GATC: variants seen among roughly 807,000 people sequenced by gnomAD.
The protein encoded by GATC is glutamyl-tRNA amidotransferase subunit C, also known as glutamyl-tRNA(Gln) amidotransferase subunit C, mitochondrial.
GATC carries 11 observed loss-of-function variants against 14.4 expected under a neutral mutation model. That is an observed-to-expected ratio of 0.77 (90% confidence interval 0.48 to 1.27). The LOEUF is 1.27. Ranked by LOEUF, GATC falls within the 50% of genes most tolerant of loss-of-function variation. GATC has a pLI of 0.00. For synonymous variants in GATC, 76 were observed against 79.3 expected (o/e 0.96, Z 0.22); for missense variants, 204 against 183.0 (o/e 1.11, Z -0.66).
rs961064926 is a variant in GATC, at chr12:120,460,841, TAA to T, written c.*886_*887del. 2.0e-5 allele frequency: 3 copies of T among 151,916 alleles called. No individual in the cohort carries two copies. Among genetic ancestry groups the T allele is most frequent in the African/African-American group, 4.8e-5 (2 of 41,340 alleles). The allele number at this position is 151,916 out of a possible 1,614,324, so 9.4% of individuals were successfully genotyped here. On this transcript the variant is annotated 3_prime_UTR_variant, in exon 4 of 4. Coordinates refer to ENST00000551765, the MANE Select transcript of GATC (RefSeq NM_176818.3). ...TAATGCGGTGAAACCTCATCTCTACTAAAAATACAAAAAATTAGCTGGGTGTG... is the reference window on the plus strand; with the variant it reads ...TAATGCGGTGAAACCTCATCTCTACTAAATACAAAAAATTAGCTGGGTGTG...
chr12:120,448,642 CT>C lies in GATC; in HGVS notation c.254+1834del, dbSNP rs71451885. 6.4e-4 allele frequency among the ~76,000 whole-genome samples: 56 copies of C among 87,462 alleles called. 1 individual carries two copies. Among genetic ancestry groups the C allele is most frequent in the East Asian group, 4.3e-3 (12 of 2,814 alleles). The allele number at this position is 87,462 out of a possible 152,430, so 57.4% of individuals were successfully genotyped here. A position where few individuals can be genotyped will look rare whatever the true frequency, so the allele number is the denominator to read the frequency against. ...CTGCACTGGCCAAAAAAGTCCATTC[CT>C]TTTTTTTTTTTTTTTTTTTTGAGAC... On this transcript the variant is annotated intron_variant, in intron 2 of 3. Transcript: ENST00000551765.
rs554874771 is a variant in GATC at position 120,455,907 on chromosome 12, C to T, written c.255-1169C>T. On this transcript the variant is annotated intron_variant, in intron 2 of 3. Coordinates refer to ENST00000551765, the MANE Select transcript of GATC (RefSeq NM_176818.3). The stretch of plus-strand genomic sequence containing the variant: ...TTCACCGTGTTAGCCAGGATGGTCT[C>T]GATCTCCTGACCTCGTGATCCGCCC... Among the ~76,000 whole-genome samples, 18 of 152,024 alleles carry T rather than the reference C, an allele frequency of 1.2e-4. No individual in the cohort carries two copies. In the East Asian group the frequency reaches 2.9e-3, roughly 25 times the overall value.
rs528770912 is a variant in GATC at position 120,461,914 on chromosome 12, A to T, written c.*1955A>T. On this transcript the variant is annotated 3_prime_UTR_variant, in exon 4 of 4. Transcript: ENST00000551765. ...TTTTCTTCTTTAAAAAAAAAAAATT[A>T]AAAAAATTTCCTAAGACACTAAATC... 41 of 1,210,280 alleles carry T rather than the reference A, an allele frequency of 3.4e-5. No homozygotes were observed. In the South Asian group the frequency reaches 3.9e-4, roughly 12 times the overall value. The allele number at this position is 1,210,280 out of a possible 1,614,324, so 75.0% of individuals were successfully genotyped here.
rs1454870881 is a variant in GATC, at chr12:120,446,668, G to C, written c.93G>C (p.Arg31=). 1 of 1,612,014 alleles carries C rather than the reference G, an allele frequency of 6.2e-7. No individual in the cohort carries two copies. The highest frequency in any genetic ancestry group is 1.3e-5 in the African/African-American group (1 of 75,066). ...TSKADPQGSG[R]ITAAVIEHLE... ...CATCCCTCCTCCAGGGCAGTGGCCG[G>C]ATCACGGCTGCGGTGATCGAGCACC... Residue 31 remains arginine, a synonymous_variant, in exon 2 of 4, where the codon CGG becomes CGC. Transcript: ENST00000551765.
At chr12:120,455,335 G>A (rs1170988927) in intron 2 of GATC, among the ~76,000 whole-genome samples, 1 of 151,824 alleles carries the variant, frequency 6.6e-6, no homozygotes, top group Non-Finnish European at 1.5e-5. Flanking sequence ...CGCTTGGCTA[G>A]TTTTTGTATT....
intron 2 of GATC, among the ~76,000 whole-genome samples, chr12:120,453,700 A>G (rs1042208505): frequency 6.6e-6 from 1 of 152,050 alleles, no homozygotes; most frequent in Non-Finnish European, 1.5e-5. Flanking sequence ...TAATTAATAA[A>G]GCTAGGTATG....
chr12:120,455,042 C>A, intron 2 of GATC: 1 of 434,592 alleles, frequency 2.3e-6, no homozygotes. Flanking sequence ...TATGTACCAC[C>A]ATGCCCGGCT....
chr12:120,454,575 A>G (rs1481517257), intron 2 of GATC, among the ~76,000 whole-genome samples: 1 of 144,852 alleles, frequency 6.9e-6, no homozygotes, highest in Non-Finnish European at 1.5e-5. Context: ...CGCCTGGCTA[A>G]TTTTTTTTTT....
At chr12:120,458,177 CCTCCCGGGTTCAA>C (rs1472570933) in intron 3 of GATC, among the ~76,000 whole-genome samples, 1 of 150,954 alleles carries the variant, frequency 6.6e-6, no homozygotes, top group Admixed American at 6.6e-5. Flanking sequence ...GCAACCTCTG[CCTCCCGGGTTCAA>C]GCAATTCTCT....
chr12:120,455,860 G>C (rs867210214), intron 2 of GATC, among the ~76,000 whole-genome samples: 1 of 152,046 alleles, frequency 6.6e-6, no homozygotes, highest in Middle Eastern at 3.2e-3. Context: ...TAATTTTTTT[G>C]TATTTTTAGT....
chr12:120,456,301 G>A (rs1268848469), intron 2 of GATC, among the ~76,000 whole-genome samples: 1 of 152,192 alleles, frequency 6.6e-6, no homozygotes, highest in Non-Finnish European at 1.5e-5. Context: ...AGGTCCCACA[G>A]AACACTGGGA....
At chr12:120,455,216 T>G (rs1878150447) in intron 2 of GATC, among the ~76,000 whole-genome samples, 1 of 151,510 alleles carries the variant, frequency 6.6e-6, no homozygotes, top group African/African-American at 2.4e-5. Context: ...TCGCCCAGGC[T>G]TGAGTGCAGT....
In GATC at chr12:120,463,152, T is replaced by C. The variant is rs1461518404; in HGVS notation, c.*3193T>C. The C allele has an allele frequency of 6.6e-6, 1 of 152,082 alleles. No homozygotes were observed. Among genetic ancestry groups the C allele is most frequent in the East Asian group, 1.9e-4 (1 of 5,196 alleles). The allele number at this position is 152,082 out of a possible 1,614,324, so 9.4% of individuals were successfully genotyped here. A position where few individuals can be genotyped will look rare whatever the true frequency, so the allele number is the denominator to read the frequency against. ...CAACTGGTCTGGTTTCTGGTCTCAATGGTACCAAAGGGATAGTCACCACCT... is the reference window on the plus strand; with the variant it reads ...CAACTGGTCTGGTTTCTGGTCTCAACGGTACCAAAGGGATAGTCACCACCT... On this transcript the variant is annotated 3_prime_UTR_variant, in exon 4 of 4. Transcript: ENST00000551765.
rs772731897 is a variant in GATC, at chr12:120,446,659, C to T, written c.84C>T (p.Gly28=). 1.2e-6 allele frequency: 2 copies of T among 1,610,548 alleles called. No homozygotes were observed. Among genetic ancestry groups the T allele is most frequent in the African/African-American group, 2.7e-5 (2 of 74,930 alleles). Residue 28 remains glycine, a splice_region_variant and synonymous_variant, in exon 2 of 4, where the codon GGC becomes GGT. Transcript: ENST00000551765. ...QGFTSKADPQ[G]SGRITAAVIE... is the part of the protein sequence containing the mutation. ...TCCCCGCCTCATCCCTCCTCCAGGG[C>T]AGTGGCCGGATCACGGCTGCGGTGA...
chr12:120,458,437 C>G (rs553679627), intron 3 of GATC, among the ~76,000 whole-genome samples: 5 of 152,258 alleles, frequency 3.3e-5, no homozygotes, highest in African/African-American at 1.2e-4. Context: ...AAACAAAATA[C>G]CATCCAAGCC....
At chr12:120,455,787 G>A (rs1160962467) in intron 2 of GATC, among the ~76,000 whole-genome samples, 7 of 152,020 alleles carry the variant, frequency 4.6e-5, no homozygotes, top group East Asian at 3.9e-4. Context: ...CCGGGTTCAC[G>A]CCATTCTCCT....
At position 120,462,383 on chromosome 12, in the gene GATC, T is replaced by G. The variant is rs1878371144; in HGVS notation, c.*2424T>G. ...AAAATTAAGACTTAAGTTATATCAT[T>G]TGCCCAAGGTAACACAATAAATGCC... On this transcript the variant is annotated 3_prime_UTR_variant, in exon 4 of 4. Transcript: ENST00000551765. 4.6e-6 allele frequency: 2 copies of G among 436,976 alleles called. No individual in the cohort carries two copies. The highest frequency in any genetic ancestry group is 8.0e-6 in the Non-Finnish European group (2 of 248,944). 27.1% of individuals were successfully genotyped at this position (436,976 alleles called of 1,614,324 possible).
chr12:120,457,489 C>G (rs956707108), intron 3 of GATC, among the ~76,000 whole-genome samples: 3 of 151,996 alleles, frequency 2.0e-5, no homozygotes, highest in Admixed American at 2.0e-4. Flanking sequence ...TAAGACCCTG[C>G]CAGATCCTGT....
At chr12:120,453,167 G>A (rs1353864493) in intron 2 of GATC, among the ~76,000 whole-genome samples, 4 of 152,142 alleles carry the variant, frequency 2.6e-5, no homozygotes, top group Non-Finnish European at 5.9e-5. Flanking sequence ...GTGGGAGAAC[G>A]GTCCCATCAG....
Sources: gnomAD v4.1 joint callset for allele counts (sites outside exome capture counted in the v4.1 genomes callset) on GRCh38, gnomAD v4.1.1 for gene constraint, MANE v1.5 for transcripts, NCBI Gene and HGNC (gene_info 2026-07-23, HGNC 2026-07-21) for gene names.